SSH2: variants seen among roughly 807,000 people sequenced by gnomAD.
The protein encoded by SSH2 is protein phosphatase Slingshot homolog 2.
Under a neutral mutation model 135.2 loss-of-function variants are expected in SSH2, and 37 were observed. The ratio of observed to expected loss-of-function variants is 0.27; its 90% confidence interval spans 0.21 to 0.36. SSH2 has a LOEUF of 0.36. Ranked by LOEUF, SSH2 falls within the 10% of genes least tolerant of loss-of-function variation. SSH2 has a pLI of 1.00. For missense variants in SSH2, 1,408 were observed against 1,765.3 expected (o/e 0.80, Z 3.63); for synonymous variants, 628 against 646.2 (o/e 0.97, Z 0.43).
intron 4 of SSH2, among the ~76,000 whole-genome samples, chr17:29,701,404 CTTTTTTTTT>C (rs55721735): frequency 5.5e-5 from 5 of 90,338 alleles, no homozygotes; most frequent in Admixed American, 3.9e-4. Context: ...GTGCCTGGCT[CTTTTTTTTT>C]TTTTTTTTTT....
At chr17:29,730,779 C>T (rs2040163420) in intron 3 of SSH2, among the ~76,000 whole-genome samples, 1 of 152,102 alleles carries the variant, frequency 6.6e-6, no homozygotes, top group African/African-American at 2.4e-5. Flanking sequence ...ATCAAAATAT[C>T]TCTTGTACCC....
At chr17:29,686,218 TTATTACACA>T (rs2038212636) in intron 5 of SSH2, among the ~76,000 whole-genome samples, 1 of 152,126 alleles carries the variant, frequency 6.6e-6, no homozygotes, top group African/African-American at 2.4e-5. Flanking sequence ...ATTCAAATAT[TTATTACACA>T]TATATTATAT....
chr17:29,930,025 G>A lies in SSH2; in HGVS notation c.-25C>T, dbSNP rs2067157892. 2.5e-6 allele frequency: 4 copies of A among 1,582,674 alleles called. No homozygotes were observed. Among genetic ancestry groups the A allele is most frequent in the African/African-American group, 2.7e-5 (2 of 74,022 alleles). On this transcript the variant is annotated 5_prime_UTR_variant, in exon 1 of 16. Coordinates refer to ENST00000540801, the MANE Select transcript of SSH2 (RefSeq NM_001282129.2). Reference sequence around the variant, plus strand: ...TCTAGGCGCTGCTGGGTTGTTCCGGGCAGGGCATTCTTGTCCTGAGTGTGG... The same window carrying A: ...TCTAGGCGCTGCTGGGTTGTTCCGGACAGGGCATTCTTGTCCTGAGTGTGG...
intron 9 of SSH2, among the ~76,000 whole-genome samples, chr17:29,670,812 C>G (rs1217039323): frequency 6.6e-6 from 1 of 151,956 alleles, no homozygotes; most frequent in East Asian, 1.9e-4. Flanking sequence ...TTAAAAAAAA[C>G]CCAAAAACCA....
intron 1 of SSH2, among the ~76,000 whole-genome samples, chr17:29,874,380 G>T (rs981551185): frequency 2.3e-4 from 35 of 152,218 alleles, no homozygotes; most frequent in African/African-American, 7.7e-4. Flanking sequence ...TTTTGATATG[G>T]TTAGGCTTTG....
intron 11 of SSH2, among the ~76,000 whole-genome samples, chr17:29,665,982 G>A (rs2037254748): frequency 6.6e-6 from 1 of 152,186 alleles, no homozygotes; most frequent in South Asian, 2.1e-4. Context: ...GCTCCCACCA[G>A]CTCTGCTCAG....
At chr17:29,716,475 C>T in intron 3 of SSH2, 1 of 698,012 alleles carries the variant, frequency 1.4e-6, no homozygotes, top group African/African-American at 1.8e-5. Flanking sequence ...ACAATGCCAG[C>T]AGCATGCTGG....
At chr17:29,855,230 G>A (rs183657758) in intron 1 of SSH2, among the ~76,000 whole-genome samples, 21 of 152,090 alleles carry the variant, frequency 1.4e-4, no homozygotes, top group African/African-American at 4.6e-4. Context: ...GGCTGGGCGT[G>A]GTGGCCCATG....
At chr17:29,779,716 G>A (rs2041795173) in intron 3 of SSH2, among the ~76,000 whole-genome samples, 3 of 149,246 alleles carry the variant, frequency 2.0e-5, no homozygotes, top group African/African-American at 7.4e-5. Context: ...TACTTGGGGG[G>A]CTGAGGCAGG....
At chr17:29,784,669 T>C (rs2041923026) in intron 3 of SSH2, among the ~76,000 whole-genome samples, 1 of 152,174 alleles carries the variant, frequency 6.6e-6, no homozygotes, top group Non-Finnish European at 1.5e-5. Flanking sequence ...TGGTGATATT[T>C]AGAATTAGTC....
intron 1 of SSH2, among the ~76,000 whole-genome samples, chr17:29,909,127 T>C (rs1378592739): frequency 2.0e-5 from 3 of 152,114 alleles, no homozygotes; most frequent in Non-Finnish European, 4.4e-5. Context: ...GATTTATTAT[T>C]AAAAACTATA....
At chr17:29,681,123 G>A (rs1038951420) in intron 6 of SSH2, among the ~76,000 whole-genome samples, 1 of 151,640 alleles carries the variant, frequency 6.6e-6, no homozygotes, top group South Asian at 2.1e-4. Flanking sequence ...GGCGGATCAC[G>A]AGGTCGAGAT....
At chr17:29,656,777 C>T (rs1336698999) in intron 11 of SSH2, among the ~76,000 whole-genome samples, 1 of 152,092 alleles carries the variant, frequency 6.6e-6, no homozygotes, top group Non-Finnish European at 1.5e-5. Flanking sequence ...CACCATGACA[C>T]TTTATTCAAT....
intron 3 of SSH2, among the ~76,000 whole-genome samples, chr17:29,723,485 A>G (rs2039888281): frequency 6.6e-6 from 1 of 152,230 alleles, no homozygotes; most frequent in African/African-American, 2.4e-5. Context: ...GAAAATGGCA[A>G]TAGGGAAGCT....
At chr17:29,634,280 G>A (rs190846489) in intron 15 of SSH2, among the ~76,000 whole-genome samples, 10 of 152,316 alleles carry the variant, frequency 6.6e-5, no homozygotes, top group Middle Eastern at 3.4e-3. Flanking sequence ...GAGAGGCAAA[G>A]AATCTATGAC....
chr17:29,912,716 G>T (rs1226352339), intron 1 of SSH2, among the ~76,000 whole-genome samples: 1 of 152,100 alleles, frequency 6.6e-6, no homozygotes, highest in Non-Finnish European at 1.5e-5. Context: ...GGGAGACAGA[G>T]TGAGATCCTG....
intron 3 of SSH2, among the ~76,000 whole-genome samples, chr17:29,722,014 C>T (rs973558068): frequency 3.9e-5 from 6 of 152,096 alleles, no homozygotes; most frequent in South Asian, 2.1e-4. Flanking sequence ...CAGTGGCTCA[C>T]GCCTGTAATC....
intron 3 of SSH2, chr17:29,761,381 T>G (rs1413781765): frequency 3.8e-6 from 4 of 1,066,298 alleles, no homozygotes; most frequent in African/African-American, 1.7e-5. Flanking sequence ...GCCCGCCGGG[T>G]CGCGCGGAGG....
At position 29,930,028 on chromosome 17, in the gene SSH2, G is replaced by A; in HGVS notation, c.-28C>T. ...AGGCGCTGCTGGGTTGTTCCGGGCAGGGCATTCTTGTCCTGAGTGTGGGGG... is the reference window on the plus strand; with the variant it reads ...AGGCGCTGCTGGGTTGTTCCGGGCAAGGCATTCTTGTCCTGAGTGTGGGGG... On this transcript the variant is annotated 5_prime_UTR_variant, in exon 1 of 16. Transcript: ENST00000540801. 1.3e-6 allele frequency: 2 copies of A among 1,580,230 alleles called. No homozygotes were observed. Among genetic ancestry groups the A allele is most frequent in the African/African-American group, 1.3e-5 (1 of 74,128 alleles).
Sources: gnomAD v4.1 joint callset for allele counts (sites outside exome capture counted in the v4.1 genomes callset) on GRCh38, gnomAD v4.1.1 for gene constraint, MANE v1.5 for transcripts, NCBI Gene and HGNC (gene_info 2026-07-23, HGNC 2026-07-21) for gene names.